The following MGAT4C variants were observed in gnomAD, a reference collection of about 807,000 sequenced individuals.
MGAT4C encodes the protein MGAT4 family member C, also known as alpha-1,3-mannosyl-glycoprotein 4-beta-N-acetylglucosaminyltransferase C.
In MGAT4C, 19 loss-of-function variants were observed where a neutral mutation model predicts 40.1. That is an observed-to-expected ratio of 0.47 (90% CI 0.33 to 0.70). The LOEUF is 0.70. Ranked by LOEUF, MGAT4C falls within the 30% of genes least tolerant of loss-of-function variation. The pLI, the probability that MGAT4C is intolerant of heterozygous loss-of-function variation, is 0.02. For missense variants in MGAT4C, 491 were observed against 563.2 expected (o/e 0.87, Z 1.30); for synonymous variants, 181 against 187.1 (o/e 0.97, Z 0.27).
chr12:86,695,996 G>C (rs1043739801), intron 2 of MGAT4C, among the ~76,000 whole-genome samples: 8 of 151,990 alleles, frequency 5.3e-5, no homozygotes, highest in African/African-American at 1.9e-4. Flanking sequence ...CAGATCATGA[G>C]GTCAGGAGAT....
intron 1 of MGAT4C, among the ~76,000 whole-genome samples, chr12:86,049,962 A>C (rs1892742116): frequency 6.6e-6 from 1 of 152,080 alleles, no homozygotes; most frequent in South Asian, 2.1e-4. Flanking sequence ...TTTTTCATTT[A>C]AAGTATCAAA....
In MGAT4C at chr12:86,442,092, C is replaced by T. The variant is rs1957240695; in HGVS notation, c.-228-6827G>A. Among the ~76,000 whole-genome samples, 4 of 152,086 alleles carry T rather than the reference C, an allele frequency of 2.6e-5. No homozygotes were observed. In the South Asian group the frequency reaches 8.3e-4, roughly 32 times the overall value. ...TTTTGATTTGCATTTCTCTGATGGCCAGTGATGATGAGCATTTTTTCATGT... is the reference window on the plus strand; with the variant it reads ...TTTTGATTTGCATTTCTCTGATGGCTAGTGATGATGAGCATTTTTTCATGT... On this transcript the variant is annotated intron_variant, in intron 2 of 7. Transcript: ENST00000548651.
chr12:86,043,309 A>C (rs971674492), intron 2 of MGAT4C, among the ~76,000 whole-genome samples: 2 of 152,196 alleles, frequency 1.3e-5, no homozygotes, highest in Non-Finnish European at 2.9e-5. Context: ...GTCCAAGTCC[A>C]AAACCTCAAA....
At chr12:86,408,223 C>G (rs886864160) in intron 3 of MGAT4C, among the ~76,000 whole-genome samples, 1 of 151,718 alleles carries the variant, frequency 6.6e-6, no homozygotes, top group African/African-American at 2.4e-5. Flanking sequence ...TTGTAGTATG[C>G]TTCATTTTGT....
intron 2 of MGAT4C, among the ~76,000 whole-genome samples, chr12:86,684,093 G>A (rs923106330): frequency 5.3e-5 from 8 of 152,022 alleles, no homozygotes; most frequent in African/African-American, 1.9e-4. Context: ...AATGTTGTCT[G>A]GGCCAGGCTG....
At chr12:86,036,641 C>T (rs765694829) in intron 2 of MGAT4C, among the ~76,000 whole-genome samples, 5 of 149,792 alleles carry the variant, frequency 3.3e-5, no homozygotes, top group South Asian at 4.2e-4. Context: ...AACCCCAGCA[C>T]GAAGCCAACT....
At chr12:86,426,962 A>G (rs1296619521) in intron 3 of MGAT4C, among the ~76,000 whole-genome samples, 3 of 152,084 alleles carry the variant, frequency 2.0e-5, no homozygotes, top group South Asian at 2.1e-4. Context: ...AAGAAAAAGA[A>G]GAAGAGAGAG....
chr12:86,728,546 C>G (rs763934675), intron 1 of MGAT4C, among the ~76,000 whole-genome samples: 21 of 152,180 alleles, frequency 1.4e-4, no homozygotes, highest in Middle Eastern at 6.8e-3. Context: ...CAAAAATTAG[C>G]CTGGCATAGT....
intron 1 of MGAT4C, among the ~76,000 whole-genome samples, chr12:86,237,942 A>C (rs756004965): frequency 3.9e-5 from 6 of 151,928 alleles, no homozygotes; most frequent in Non-Finnish European, 7.4e-5. Context: ...AAATATCCAC[A>C]CTGGGGTTGT....
At chr12:86,311,640 C>A (rs1954077020) in intron 4 of MGAT4C, among the ~76,000 whole-genome samples, 1 of 152,118 alleles carries the variant, frequency 6.6e-6, no homozygotes, top group Non-Finnish European at 1.5e-5. Flanking sequence ...CAGAAAGAAG[C>A]CCCGTGTTTA....
intron 2 of MGAT4C, among the ~76,000 whole-genome samples, chr12:86,533,579 T>C (rs1959019001): frequency 6.6e-6 from 1 of 151,876 alleles, no homozygotes; most frequent in Non-Finnish European, 1.5e-5. Flanking sequence ...TGTATGTATA[T>C]ACATAATTAA....
chr12:86,247,027 TAC>T (rs891419665), intron 1 of MGAT4C, among the ~76,000 whole-genome samples: 2 of 152,208 alleles, frequency 1.3e-5, no homozygotes, highest in African/African-American at 4.8e-5. Flanking sequence ...CACACTCACA[TAC>T]ACAGTTTCTA....
At chr12:86,447,157 C>T (rs988287211) in intron 2 of MGAT4C, among the ~76,000 whole-genome samples, 2 of 152,046 alleles carry the variant, frequency 1.3e-5, no homozygotes, top group Non-Finnish European at 2.9e-5. Context: ...TGGAATTTCA[C>T]TCTTGTTGCC....
chr12:85,999,217 G>A (rs1168132751), intron 2 of MGAT4C, among the ~76,000 whole-genome samples: 1 of 152,084 alleles, frequency 6.6e-6, no homozygotes, highest in Non-Finnish European at 1.5e-5. Context: ...CCTTTCACTG[G>A]CTGCCTCCCA....
chr12:86,425,951 A>T (rs550737369), intron 3 of MGAT4C, among the ~76,000 whole-genome samples: 1 of 152,278 alleles, frequency 6.6e-6, no homozygotes. Context: ...ATAATCATAT[A>T]CTCCAGTCCA....
At chr12:86,424,714 A>G (rs374645206) in intron 3 of MGAT4C, among the ~76,000 whole-genome samples, 3 of 152,204 alleles carry the variant, frequency 2.0e-5, no homozygotes, top group Admixed American at 2.0e-4. Flanking sequence ...GATTAAATCA[A>G]TTAATTCTTA....
At chr12:86,399,335 T>G (rs1012271879) in intron 3 of MGAT4C, among the ~76,000 whole-genome samples, 1 of 147,880 alleles carries the variant, frequency 6.8e-6, no homozygotes, top group African/African-American at 2.5e-5. Context: ...CAGGCTGGAG[T>G]GAGTGGCGCA....
intron 2 of MGAT4C, among the ~76,000 whole-genome samples, chr12:86,655,568 A>C (rs1963826924): frequency 6.6e-6 from 1 of 152,124 alleles, no homozygotes; most frequent in African/African-American, 2.4e-5. Flanking sequence ...CAATGAAAAA[A>C]AATTTTATTT....
intron 4 of MGAT4C, among the ~76,000 whole-genome samples, chr12:86,282,846 ATTGCATATC>A (rs566551901): frequency 2.6e-5 from 4 of 152,128 alleles, no homozygotes; most frequent in African/African-American, 9.6e-5. Context: ...GCTTTTCTAT[ATTGCATATC>A]TTTTCTGGAC....
Sources: gnomAD v4.1 joint callset for allele counts (sites outside exome capture counted in the v4.1 genomes callset) on GRCh38, gnomAD v4.1.1 for gene constraint, MANE v1.5 for transcripts, NCBI Gene and HGNC (gene_info 2026-07-23, HGNC 2026-07-21) for gene names.